Variants in ANAPC11 observed in about 807,000 individuals in gnomAD.
The protein encoded by ANAPC11 is anaphase-promoting complex subunit 11.
A neutral mutation model predicts 11.8 loss-of-function variants in ANAPC11; 5 were observed. The ratio of observed to expected loss-of-function variants is 0.42; its 90% confidence interval spans 0.22 to 0.89. The LOEUF (loss-of-function observed/expected upper bound fraction) is 0.89, where lower values mean the gene tolerates loss of function less well. ANAPC11 is among the 40% of genes least tolerant of loss of function. The pLI, the probability that ANAPC11 is intolerant of heterozygous loss-of-function variation, is 0.28. For synonymous variants in ANAPC11, 45 were observed against 41.0 expected (o/e 1.10, Z -0.38); for missense variants, 68 against 112.9 (o/e 0.60, Z 1.80).
intron 1 of ANAPC11, chr17:81,893,011 G>C (rs1296098278): frequency 6.9e-6 from 1 of 145,868 alleles, no homozygotes; most frequent in African/African-American, 2.5e-5. Flanking sequence ...ACCACAGCTG[G>C]CTTTTTTTTT....
At chr17:81,899,629 T>G in intron 3 of ANAPC11, 1 of 1,436,080 alleles carries the variant, frequency 7.0e-7, no homozygotes, top group South Asian at 1.3e-5. Flanking sequence ...GAGAGGCCCC[T>G]GGGCTCCCCA....
chr17:81,894,688 C>T (rs984794306), intron 3 of ANAPC11, 102 bp downstream of exon 3: 3 of 575,818 alleles, frequency 5.2e-6, no homozygotes, highest in African/African-American at 3.8e-5. Flanking sequence ...CTGTTAAATA[C>T]CTGCACGAAA....
chr17:81,899,597 A>G, intron 3 of ANAPC11: 1 of 1,559,356 alleles, frequency 6.4e-7, no homozygotes, highest in Non-Finnish European at 8.7e-7. Flanking sequence ...AGGGTGGGCT[A>G]GGCCAGAGCG....
intron 3 of ANAPC11, among the ~76,000 whole-genome samples, chr17:81,896,720 C>T (rs2039755504): frequency 6.7e-6 from 1 of 149,152 alleles, no homozygotes; most frequent in East Asian, 2.0e-4. Flanking sequence ...CCAAGCTGGA[C>T]GTGAACTCCT....
chr17:81,896,120 C>T (rs1456659649), intron 3 of ANAPC11, among the ~76,000 whole-genome samples: 1 of 152,158 alleles, frequency 6.6e-6, no homozygotes, highest in South Asian at 2.1e-4. Flanking sequence ...CCCGACTCTA[C>T]TAAAAATCCA....
upstream of ANAPC11, chr17:81,890,942 G>A (rs1298611730): frequency 2.8e-6 from 4 of 1,440,358 alleles, no homozygotes; most frequent in Non-Finnish European, 3.8e-6. Flanking sequence ...AAACGGGGCC[G>A]CCAGCGCTCC....
chr17:81,896,773 C>T (rs969657582), intron 3 of ANAPC11, among the ~76,000 whole-genome samples: 1 of 143,344 alleles, frequency 7.0e-6, no homozygotes, highest in Non-Finnish European at 1.5e-5. Context: ...AAGTAGCATA[C>T]CACCACACTC....
upstream of ANAPC11, chr17:81,891,589 G>C (rs556107665): frequency 2.8e-6 from 4 of 1,419,342 alleles, no homozygotes; most frequent in Non-Finnish European, 3.7e-6. Context: ...ATCGGCTCGA[G>C]CCCGCGCGTC....
At chr17:81,893,978 T>A (rs1296551879) in intron 2 of ANAPC11, among the ~76,000 whole-genome samples, 5 of 151,790 alleles carry the variant, frequency 3.3e-5, no homozygotes, top group African/African-American at 1.2e-4. Flanking sequence ...TTATTTGTTT[T>A]AATAGAAACG....
chr17:81,898,928 A>C, intron 3 of ANAPC11: 4 of 404,308 alleles, frequency 9.9e-6, no homozygotes, highest in Admixed American at 4.1e-5. Flanking sequence ...CCCTCTCCTC[A>C]GGGGGCTAGC....
intron 3 of ANAPC11, chr17:81,898,431 G>A (rs1184135844): frequency 6.6e-6 from 1 of 152,262 alleles, no homozygotes; most frequent in Non-Finnish European, 1.5e-5. Flanking sequence ...TGTCTCCGCT[G>A]ACACAGTGTG....
In ANAPC11 at chr17:81,891,802, C is replaced by G. The variant is rs1046098501; in HGVS notation, c.-114C>G. 3 of 241,184 alleles carry G rather than the reference C, an allele frequency of 1.2e-5. No individual in the cohort carries two copies. The highest frequency in any genetic ancestry group is 7.9e-6 in the Non-Finnish European group (1 of 126,630). The allele number at this position is 241,184 out of a possible 1,614,324, so 14.9% of individuals were successfully genotyped here. A position where few individuals can be genotyped will look rare whatever the true frequency, so the allele number is the denominator to read the frequency against. On this transcript the variant is annotated 5_prime_UTR_variant, in exon 1 of 4. Coordinates refer to ENST00000344877, the MANE Select transcript of ANAPC11 (RefSeq NM_001002248.3). ...CTGTGGTCGTTTTTATACCTTCCCG[C>G]GCGGACGCCGGCGCTGCCAACGGAA... is the stretch of plus-strand genomic sequence containing the variant.
chr17:81,891,490 C>T (rs867148285), upstream of ANAPC11: 2 of 1,246,316 alleles, frequency 1.6e-6, no homozygotes, highest in Non-Finnish European at 2.0e-6. Flanking sequence ...CGGCCCCCGC[C>T]CCGGCCGCCT....
chr17:81,891,603 A>C (rs1292591870), upstream of ANAPC11: 1 of 1,379,780 alleles, frequency 7.2e-7, no homozygotes, highest in Non-Finnish European at 9.4e-7. Flanking sequence ...GCGCGTCAGC[A>C]CGCCGGCACG....
At chr17:81,891,704 G>A (rs1259864161), upstream of ANAPC11, 9 of 920,094 alleles carry the variant, frequency 9.8e-6, no homozygotes, top group African/African-American at 1.5e-4. Context: ...GCGCGGGACG[G>A]GGTGAGGCGG....
chr17:81,894,569 A>G lies in ANAPC11; in HGVS notation c.92A>G (p.Asn31Ser). The change falls in exon 3 of 4, where the codon AAC (asparagine) becomes AGC (serine). Residue 31 changes from asparagine (N) to serine (S), a missense_variant. Coordinates refer to ENST00000344877, the MANE Select transcript of ANAPC11 (RefSeq NM_001002248.3). ...ENCGICRMAF[N>S]GCCPDCKVPG... The stretch of plus-strand genomic sequence containing the variant: ...TGTGGCATCTGCAGGATGGCATTTA[A>G]CGGATGCTGCCCTGACTGTGAGTGT... 6.2e-7 allele frequency: 1 copy of G among 1,610,694 alleles called. No individual in the cohort carries two copies. Among genetic ancestry groups the G allele is most frequent in the Non-Finnish European group, 8.5e-7 (1 of 1,177,828 alleles).
chr17:81,894,715 CTTTTTT>C (rs529200093), intron 3 of ANAPC11, 129 bp downstream of exon 3: 37 of 362,296 alleles, frequency 1.0e-4, no homozygotes, highest in South Asian at 3.5e-4. Flanking sequence ...GTTTCATTTT[CTTTTTT>C]TTTTTTTTTT....
chr17:81,895,365 T>C (rs767435481), intron 3 of ANAPC11, among the ~76,000 whole-genome samples: 2 of 152,232 alleles, frequency 1.3e-5, no homozygotes, highest in African/African-American at 2.4e-5. Context: ...ATTTTCATTT[T>C]CATCTCATGA....
chr17:81,896,463 G>C (rs1300512370), intron 3 of ANAPC11, among the ~76,000 whole-genome samples: 2 of 152,174 alleles, frequency 1.3e-5, no homozygotes, highest in African/African-American at 4.8e-5. Context: ...ATTATGTTTA[G>C]GTTGAAAGCA....
Sources: gnomAD v4.1 joint callset for allele counts (sites outside exome capture counted in the v4.1 genomes callset) on GRCh38, gnomAD v4.1.1 for gene constraint, MANE v1.5 for transcripts, NCBI Gene and HGNC (gene_info 2026-07-23, HGNC 2026-07-21) for gene names.